The following COL8A1 variants were observed in gnomAD, a reference collection of about 807,000 sequenced individuals.
The protein encoded by COL8A1 is collagen type VIII alpha 1 chain, also known as collagen alpha-1(VIII) chain.
In COL8A1, 21 loss-of-function variants were observed where a neutral mutation model predicts 42.7. The observed-to-expected ratio is 0.49, with a 90% CI of 0.35 to 0.71. The LOEUF (loss-of-function observed/expected upper bound fraction) is 0.71, where lower values mean the gene tolerates loss of function less well. Ranked by LOEUF, COL8A1 falls within the 30% of genes least tolerant of loss-of-function variation. The pLI, the probability that COL8A1 is intolerant of heterozygous loss-of-function variation, is 0.01. For synonymous variants in COL8A1, 367 were observed against 369.1 expected (o/e 0.99, Z 0.06); for missense variants, 788 against 962.4 (o/e 0.82, Z 2.40).
intron 1 of COL8A1, among the ~76,000 whole-genome samples, chr3:99,693,477 A>G (rs1236330469): frequency 6.6e-6 from 1 of 152,226 alleles, no homozygotes; most frequent in Non-Finnish European, 1.5e-5. Context: ...GAACAGTGAT[A>G]TTGATGATCT....
chr3:99,694,313 T>G (rs373050487), intron 1 of COL8A1, among the ~76,000 whole-genome samples: 6 of 152,002 alleles, frequency 3.9e-5, no homozygotes, highest in South Asian at 2.1e-4. Flanking sequence ...TGAAACCCCA[T>G]CTCTACTAAA....
Position 99,794,281 on chromosome 3 carries a change from G to C in COL8A1, c.380G>C (p.Gly127Ala). ...GAACAAGGTCCCCGTGGAGAGCCTGGCCCAAGAGGACCACCTGGGCCCCCT... is the reference window on the plus strand; with the variant it reads ...GAACAAGGTCCCCGTGGAGAGCCTGCCCCAAGAGGACCACCTGGGCCCCCT... ...RGEQGPRGEP[G>A]PRGPPGPPGL... is the part of the protein sequence containing the mutation. The change falls in exon 4 of 4, where the codon GGC becomes GCC. Residue 127 changes from glycine (G) to alanine (A), a missense_variant. Coordinates refer to ENST00000652472, the MANE Select transcript of COL8A1 (RefSeq NM_020351.4). The surrounding 1 kb of genome is among the most constrained non-coding windows in gnomAD (Gnocchi z 4.3). The C allele has an allele frequency of 6.2e-7, 1 of 1,611,472 alleles. No homozygotes were observed. Among genetic ancestry groups the C allele is most frequent in the Non-Finnish European group, 8.5e-7 (1 of 1,178,892 alleles).
At chr3:99,732,287 T>C (rs1940532396) in intron 1 of COL8A1, among the ~76,000 whole-genome samples, 1 of 152,110 alleles carries the variant, frequency 6.6e-6, no homozygotes, top group African/African-American at 2.4e-5. Context: ...TTTCCAAATA[T>C]CCAGGTGTAT....
At chr3:99,688,172 A>T (rs981941061) in intron 1 of COL8A1, among the ~76,000 whole-genome samples, 4 of 152,244 alleles carry the variant, frequency 2.6e-5, no homozygotes, top group Non-Finnish European at 5.9e-5. Flanking sequence ...ATGCCAAATG[A>T]TAATGTATTT....
chr3:99,671,185 A>T (rs1197905520), intron 1 of COL8A1, among the ~76,000 whole-genome samples: 2 of 152,094 alleles, frequency 1.3e-5, no homozygotes, highest in Admixed American at 1.3e-4. Context: ...AAATATGAAA[A>T]ATACAAGTAA....
At chr3:99,774,555 C>G (rs995809278) in intron 2 of COL8A1, among the ~76,000 whole-genome samples, 1 of 152,016 alleles carries the variant, frequency 6.6e-6, no homozygotes, top group African/African-American at 2.4e-5. Context: ...GGAGAGAAGC[C>G]AGCATGAGAT....
intron 2 of COL8A1, among the ~76,000 whole-genome samples, chr3:99,754,058 C>G (rs1329778801): frequency 1.3e-5 from 2 of 152,148 alleles, no homozygotes; most frequent in Non-Finnish European, 2.9e-5. Flanking sequence ...AGATATGGGT[C>G]TGCAAAATTT....
At chr3:99,755,628 A>T (rs1941239234) in intron 2 of COL8A1, among the ~76,000 whole-genome samples, 1 of 152,226 alleles carries the variant, frequency 6.6e-6, no homozygotes, top group Non-Finnish European at 1.5e-5. Context: ...TTAAAATTGA[A>T]TGGTCAACAC....
chr3:99,784,908 A>C (rs1941864117), intron 2 of COL8A1, among the ~76,000 whole-genome samples: 1 of 152,190 alleles, frequency 6.6e-6, no homozygotes, highest in African/African-American at 2.4e-5. Context: ...ATACTAATCA[A>C]TTTTGCAACA....
intron 1 of COL8A1, among the ~76,000 whole-genome samples, chr3:99,741,501 TTAG>T (rs1365965570): frequency 6.6e-6 from 1 of 152,218 alleles, no homozygotes; most frequent in African/African-American, 2.4e-5. Context: ...TATTACAATT[TTAG>T]TAGTCAGGAA....
At chr3:99,768,298 G>C (rs1347153294) in intron 2 of COL8A1, among the ~76,000 whole-genome samples, 1 of 152,168 alleles carries the variant, frequency 6.6e-6, no homozygotes, top group Admixed American at 6.5e-5. Context: ...GGGACTCAAA[G>C]TTTGTAATCT....
Position 99,795,061 on chromosome 3 carries a change from G to A in COL8A1, c.1160G>A (p.Gly387Asp). The A allele has an allele frequency of 6.2e-7, 1 of 1,609,832 alleles. No homozygotes were observed. Among genetic ancestry groups the A allele is most frequent in the Non-Finnish European group, 8.5e-7 (1 of 1,178,176 alleles). Residue 387 changes from glycine (G) to aspartate (D), a missense_variant, in exon 4 of 4, where the codon GGT (glycine) becomes GAT (aspartate). By Grantham distance (94) the Gly-to-Asp change is moderately conservative. Around this residue, in one of 4 missense-constraint regions of COL8A1, gnomAD observed 421 missense variants for 553.1 expected, o/e 0.76. Transcript: ENST00000652472. ...CCAATAGGTGCCCCAGGAATAGGGG[G>A]TCCTCCAGGAGAGCCAGGCCTGCCT... ...KGPIGAPGIG[G>D]PPGEPGLPGI...
chr3:99,780,690 T>C (rs2107446960), intron 2 of COL8A1, among the ~76,000 whole-genome samples: 1 of 152,336 alleles, frequency 6.6e-6, no homozygotes, highest in Admixed American at 6.5e-5. Flanking sequence ...AAAAGTCCTT[T>C]ACACTCTCAG....
At chr3:99,659,958 T>C (rs1938148469) in intron 1 of COL8A1, among the ~76,000 whole-genome samples, 1 of 152,198 alleles carries the variant, frequency 6.6e-6, no homozygotes, top group African/African-American at 2.4e-5. Context: ...CCAGAGTAGT[T>C]TGAATCAAAC....
chr3:99,665,795 C>A (rs1938351670), intron 1 of COL8A1, among the ~76,000 whole-genome samples: 1 of 150,536 alleles, frequency 6.6e-6, no homozygotes, highest in Admixed American at 6.7e-5. Flanking sequence ...AATTCTCCTG[C>A]CTCAGCTTCC....
At chr3:99,640,958 A>T (rs141880813) in intron 1 of COL8A1, among the ~76,000 whole-genome samples, 4 of 152,312 alleles carry the variant, frequency 2.6e-5, no homozygotes, top group African/African-American at 9.6e-5. Context: ...CTCAGAAAAG[A>T]TAAGATGAGA....
chr3:99,765,028 T>A (rs1941436075), intron 2 of COL8A1, among the ~76,000 whole-genome samples: 1 of 152,084 alleles, frequency 6.6e-6, no homozygotes, highest in African/African-American at 2.4e-5. Context: ...TTATGGTTAT[T>A]AAGAGAACAG....
chr3:99,760,463 C>T (rs1941346079), intron 2 of COL8A1, among the ~76,000 whole-genome samples: 2 of 152,130 alleles, frequency 1.3e-5, no homozygotes, highest in African/African-American at 2.4e-5. Context: ...TTGCTGCCCC[C>T]TCTCCCATAG....
At chr3:99,684,880 A>G (rs1459717850) in intron 1 of COL8A1, among the ~76,000 whole-genome samples, 1 of 152,210 alleles carries the variant, frequency 6.6e-6, no homozygotes, top group African/African-American at 2.4e-5. Context: ...CTGGATTAGC[A>G]TGACTGAATT....
Sources: gnomAD v4.1 joint callset for allele counts (sites outside exome capture counted in the v4.1 genomes callset) on GRCh38, gnomAD v4.1.1 for gene constraint, gnomAD v4.1.1 regional missense constraint, Gnocchi (gnomAD v3.1) non-coding constraint, MANE v1.5 for transcripts, NCBI Gene and HGNC (gene_info 2026-07-23, HGNC 2026-07-21) for gene names.